CSMD2: variants seen among roughly 807,000 people sequenced by gnomAD.
CSMD2 encodes the protein CUB and Sushi multiple domains 2.
A neutral mutation model predicts 398.5 loss-of-function variants in CSMD2; 130 were observed. That is an observed-to-expected ratio of 0.33 (90% CI 0.28 to 0.38). The LOEUF is 0.38. CSMD2 is among the 10% of genes least tolerant of loss of function. The pLI is 1.00. For synonymous variants in CSMD2, 1,828 were observed against 1,908.5 expected (o/e 0.96, Z 1.10); for missense variants, 3,829 against 4,764.9 (o/e 0.80, Z 5.78).
chr1:34,161,676 G>A (rs1641340741), intron 1 of CSMD2, among the ~76,000 whole-genome samples: 1 of 152,174 alleles, frequency 6.6e-6, no homozygotes, highest in Non-Finnish European at 1.5e-5. Flanking sequence ...GAGTGTTCCA[G>A]TGTCATCCTG....
intron 4 of CSMD2, among the ~76,000 whole-genome samples, chr1:33,931,724 G>A (rs1456385876): frequency 6.6e-6 from 1 of 152,196 alleles, no homozygotes; most frequent in Non-Finnish European, 1.5e-5. Context: ...TGGAAAGATT[G>A]GGGTGGGGCT....
intron 64 of CSMD2, among the ~76,000 whole-genome samples, chr1:33,531,940 G>A (rs1442177740): frequency 6.6e-6 from 1 of 152,138 alleles, no homozygotes; most frequent in African/African-American, 2.4e-5. Context: ...CCACTGAATT[G>A]TACACTTAAA....
At chr1:33,666,266 T>C (rs761463210) in intron 25 of CSMD2, among the ~76,000 whole-genome samples, 1 of 152,212 alleles carries the variant, frequency 6.6e-6, no homozygotes, top group East Asian at 1.9e-4. Context: ...AAAAATGTGA[T>C]TGAGATTTTG....
At chr1:33,872,759 A>C (rs1433018501) in intron 5 of CSMD2, among the ~76,000 whole-genome samples, 1 of 152,236 alleles carries the variant, frequency 6.6e-6, no homozygotes, top group Non-Finnish European at 1.5e-5. Context: ...TAAAATTCTC[A>C]GCAGGAAACA....
intron 7 of CSMD2, among the ~76,000 whole-genome samples, chr1:33,823,225 C>G (rs562540825): frequency 6.6e-6 from 1 of 152,180 alleles, no homozygotes; most frequent in Non-Finnish European, 1.5e-5. Flanking sequence ...GTCACAAACC[C>G]AACGGTGACG....
intron 13 of CSMD2, among the ~76,000 whole-genome samples, chr1:33,749,092 CTTT>C (rs72469561): frequency 1.1e-5 from 1 of 87,792 alleles, no homozygotes; most frequent in Non-Finnish European, 2.0e-5. Context: ...ATACAGACTT[CTTT>C]TTTTTTTTTT....
At chr1:33,941,841 TGA>T (rs1266469975) in intron 3 of CSMD2, among the ~76,000 whole-genome samples, 1 of 151,812 alleles carries the variant, frequency 6.6e-6, no homozygotes, top group African/African-American at 2.4e-5. Flanking sequence ...TTATTATACA[TGA>T]GATATATAAT....
chr1:33,961,127 G>A (rs1271068385), intron 3 of CSMD2, among the ~76,000 whole-genome samples: 1 of 152,250 alleles, frequency 6.6e-6, no homozygotes, highest in East Asian at 1.9e-4. Context: ...ACTTTCCAAG[G>A]AGGAGCACCC....
At chr1:34,030,738 CCAGGGCCT>C (rs997197591) in intron 3 of CSMD2, among the ~76,000 whole-genome samples, 1 of 152,190 alleles carries the variant, frequency 6.6e-6, no homozygotes, top group Non-Finnish European at 1.5e-5. Flanking sequence ...CTCAGGGAAG[CCAGGGCCT>C]CAAAGATCGA....
At chr1:33,757,263 T>A (rs1186934596) in intron 13 of CSMD2, among the ~76,000 whole-genome samples, 1 of 152,058 alleles carries the variant, frequency 6.6e-6, no homozygotes, top group African/African-American at 2.4e-5. Context: ...CATATGTAAC[T>A]AACCTGCACA....
At position 33,739,207 on chromosome 1, in the gene CSMD2, T is replaced by C; in HGVS notation, c.2301A>G (p.Ser767=). The change falls in exon 15 of 71, where the codon TCA becomes TCG. Residue 767 remains serine (S), a synonymous_variant. Transcript: ENST00000373381. ...CCTTCAGGACGCAGGTGATGGTCTCTGAGCCCTGAGTCCCAAGGAAGCCTT... is the reference window on the plus strand; with the variant it reads ...CCTTCAGGACGCAGGTGATGGTCTCCGAGCCCTGAGTCCCAAGGAAGCCTT... ...CDEGFLGTQG[S]ETITCVLKEG... 6.2e-7 allele frequency: 1 copy of C among 1,614,232 alleles called. No individual in the cohort carries two copies. Among genetic ancestry groups the C allele is most frequent in the Non-Finnish European group, 8.5e-7 (1 of 1,180,038 alleles).
chr1:33,620,038 G>A (rs1641664549), intron 37 of CSMD2, among the ~76,000 whole-genome samples: 1 of 152,154 alleles, frequency 6.6e-6, no homozygotes, highest in Non-Finnish European at 1.5e-5. Flanking sequence ...AAAATGGAAT[G>A]GGAGAAAGAT....
At chr1:33,878,062 C>T (rs1281757523) in intron 5 of CSMD2, 1 of 152,024 alleles carries the variant, frequency 6.6e-6, no homozygotes, top group East Asian at 1.9e-4. Flanking sequence ...CTGGAGTGAC[C>T]ATTTGGGACC....
At chr1:33,693,083 T>C (rs1248251048) in intron 24 of CSMD2, 27 bp from the exon 25 acceptor site, 3 of 1,574,388 alleles carry the variant, frequency 1.9e-6, no homozygotes, top group Non-Finnish European at 2.6e-6. Flanking sequence ...AAGAGTGAGC[T>C]TCATGGGGTG....
Position 33,550,321 on chromosome 1 carries a change from G to A in CSMD2, c.8773C>T (p.Pro2925Ser). 6.2e-7 allele frequency: 1 copy of A among 1,614,154 alleles called. No individual in the cohort carries two copies. The highest frequency in any genetic ancestry group is 8.5e-7 in the Non-Finnish European group (1 of 1,179,984). Residue 2925 changes from proline (P) to serine (S), a missense_variant, in exon 56 of 71, where the codon CCT becomes TCT. By Grantham distance (74) the Pro-to-Ser change is moderately conservative. Coordinates refer to ENST00000373381, the MANE Select transcript of CSMD2 (RefSeq NM_001281956.2). ...LVSCGHPGSP[P>S]HSQMSGDSYT... Reference sequence around the variant, plus strand: ...CTGTCTCCAGACATCTGGGAGTGAGGCGGGGAGCCCGGATGGCCACAGGAC... The same window carrying A: ...CTGTCTCCAGACATCTGGGAGTGAGACGGGGAGCCCGGATGGCCACAGGAC...
intron 57 of CSMD2, 96 bp downstream of exon 57, chr1:33,545,941 T>C: frequency 7.9e-7 from 1 of 1,261,964 alleles, no homozygotes; most frequent in East Asian, 2.4e-5. Flanking sequence ...GCCACGGTTT[T>C]TTTCTGTGAG....
At chr1:34,034,388 T>C (rs943223140) in intron 2 of CSMD2, among the ~76,000 whole-genome samples, 1 of 152,156 alleles carries the variant, frequency 6.6e-6, no homozygotes, top group African/African-American at 2.4e-5. Context: ...AGTCCTTCTA[T>C]GGGATATAAT....
rs142582155 is a variant in CSMD2 at position 33,646,516 on chromosome 1, C to T, written c.4774+132G>A. The T allele has an allele frequency of 8.3e-5, 76 of 911,038 alleles. 1 individual carries two copies. The highest frequency in any genetic ancestry group is 1.1e-4 in the Non-Finnish European group (67 of 598,586). The allele number at this position is 911,038 out of a possible 1,614,324, so 56.4% of individuals were successfully genotyped here. The stretch of plus-strand genomic sequence containing the variant: ...CGCAGGAAAGGCAGGTTTCTGCAGG[C>T]GGCAGCAGTGCTAGGGTTGGTGTGG... On this transcript the variant is annotated intron_variant, in intron 29 of 70. Transcript: ENST00000373381.
intron 6 of CSMD2, among the ~76,000 whole-genome samples, chr1:33,828,067 C>T (rs1659031014): frequency 6.6e-6 from 1 of 152,206 alleles, no homozygotes; most frequent in South Asian, 2.1e-4. Flanking sequence ...TGTTCCCTGG[C>T]AGGCAAGTCA....
Sources: gnomAD v4.1 joint callset for allele counts (sites outside exome capture counted in the v4.1 genomes callset) on GRCh38, gnomAD v4.1.1 for gene constraint, MANE v1.5 for transcripts, NCBI Gene and HGNC (gene_info 2026-07-23, HGNC 2026-07-21) for gene names.